The following RANBP2 variants were observed in gnomAD, a reference collection of about 807,000 sequenced individuals.
RANBP2 encodes the protein E3 SUMO-protein ligase RanBP2.
Under a neutral mutation model 303.6 loss-of-function variants are expected in RANBP2, and 57 were observed. That is an observed-to-expected ratio of 0.19 (90% CI 0.15 to 0.23). The LOEUF (loss-of-function observed/expected upper bound fraction) is 0.23, where lower values mean the gene tolerates loss of function less well. RANBP2 is among the 10% of genes least tolerant of loss of function. The probability of loss-of-function intolerance (pLI) is 1.00; values close to 1 mark genes in which losing one functional copy is unlikely to be tolerated. For synonymous variants in RANBP2, 1,167 were observed against 1,301.5 expected (o/e 0.90, Z 2.23); for missense variants, 3,138 against 3,780.8 (o/e 0.83, Z 4.46).
At chr2:109,147,147 A>G in the RANBP2 span, among the ~76,000 whole-genome samples, 134 of 152,020 alleles carry the variant, frequency 8.8e-4, no homozygotes, top group African/African-American at 3.2e-3. Flanking sequence ...TTTTGTCCAA[A>G]AGACAGAGGT....
chr2:109,527,506 G>A, the RANBP2 span, among the ~76,000 whole-genome samples: 3 of 152,170 alleles, frequency 2.0e-5, no homozygotes, highest in Admixed American at 6.5e-5. Flanking sequence ...ACCCCCAAGA[G>A]GAATAACGCA....
intron 23 of RANBP2, among the ~76,000 whole-genome samples, chr2:108,774,640 A>G (rs896389878): frequency 6.6e-6 from 1 of 151,562 alleles, no homozygotes; most frequent in Non-Finnish European, 1.5e-5. Flanking sequence ...TTTAAAAAAC[A>G]CTATTGATTT....
chr2:109,543,444 C>T, the RANBP2 span: 12 of 152,184 alleles, frequency 7.9e-5, no homozygotes, highest in African/African-American at 2.6e-4. Flanking sequence ...ATGAAGTCAT[C>T]ATATTAAATA....
At chr2:109,533,242 C>G in the RANBP2 span, among the ~76,000 whole-genome samples, 1 of 152,218 alleles carries the variant, frequency 6.6e-6, no homozygotes, top group African/African-American at 2.4e-5. Context: ...CAACACAGCC[C>G]GTGGAGGGCA....
At chr2:109,423,913 G>T in the RANBP2 span, among the ~76,000 whole-genome samples, 1 of 152,232 alleles carries the variant, frequency 6.6e-6, no homozygotes, top group Non-Finnish European at 1.5e-5. Flanking sequence ...GGGAAATGGA[G>T]GAGATGCAAG....
At chr2:108,753,226 C>G in intron 13 of RANBP2, 67 bp downstream of exon 13, 2 of 1,608,090 alleles carry the variant, frequency 1.2e-6, no homozygotes, top group South Asian at 2.2e-5. Context: ...AGACATAGAG[C>G]TATACACTGC....
the RANBP2 span, among the ~76,000 whole-genome samples, chr2:109,454,735 G>C: frequency 6.6e-6 from 1 of 152,130 alleles, no homozygotes; most frequent in Non-Finnish European, 1.5e-5. Context: ...CGGTACACTG[G>C]GGAGCTTCTG....
At chr2:109,561,086 C>G in the RANBP2 span, among the ~76,000 whole-genome samples, 1 of 152,086 alleles carries the variant, frequency 6.6e-6, no homozygotes, top group African/African-American at 2.4e-5. Flanking sequence ...GGACAAAGAT[C>G]AAAATCCTCC....
the RANBP2 span, among the ~76,000 whole-genome samples, chr2:108,874,985 T>C: frequency 6.6e-6 from 1 of 151,916 alleles, no homozygotes; most frequent in African/African-American, 2.4e-5. Flanking sequence ...TGTTTTACTA[T>C]TCATGATGTG....
At chr2:109,567,744 G>C in the RANBP2 span, 7 of 1,390,708 alleles carry the variant, frequency 5.0e-6, no homozygotes, top group Non-Finnish European at 9.7e-7. Flanking sequence ...TGTATTAGCA[G>C]CAATATTACT....
the RANBP2 span, among the ~76,000 whole-genome samples, chr2:109,064,285 G>A: frequency 2.6e-5 from 4 of 151,746 alleles, no homozygotes; most frequent in Admixed American, 6.6e-5. Flanking sequence ...GTGAAACCCC[G>A]TCTCTACTAA....
In RANBP2 at chr2:108,766,087, T is replaced by G. The variant is rs746345662; in HGVS notation, c.5548T>G (p.Ser1850Ala). 5 of 1,614,134 alleles carry G rather than the reference T, an allele frequency of 3.1e-6. No individual in the cohort carries two copies. Among genetic ancestry groups the G allele is most frequent in the Admixed American group, 1.7e-5 (1 of 59,998 alleles). ...GFKSNFSEKASKFGNTEQGFK... is the reference protein window; with the variant it reads ...GFKSNFSEKAAKFGNTEQGFK... ...TAAAAGTAATTTCTCAGAAAAAGCT[T>G]CTAAGTTTGGCAATACAGAGCAAGG... Residue 1850 changes from serine to alanine, a missense_variant, in exon 20 of 29, where the codon TCT becomes GCT. Transcript: ENST00000283195.
At chr2:108,823,236 C>G in the RANBP2 span, among the ~76,000 whole-genome samples, 1 of 152,206 alleles carries the variant, frequency 6.6e-6, no homozygotes, top group Admixed American at 6.5e-5. Flanking sequence ...CACCCATCCT[C>G]CTCATATTCT....
chr2:109,690,258 T>C, the RANBP2 span, among the ~76,000 whole-genome samples: 1 of 152,188 alleles, frequency 6.6e-6, no homozygotes, highest in African/African-American at 2.4e-5. Flanking sequence ...AATTAACATA[T>C]GTAAGATGAA....
At chr2:109,681,651 G>C in the RANBP2 span, among the ~76,000 whole-genome samples, 4 of 152,230 alleles carry the variant, frequency 2.6e-5, no homozygotes, top group Admixed American at 6.5e-5. Context: ...AGAAGCATAA[G>C]GGGGAGGCAG....
chr2:108,950,349 C>T, the RANBP2 span, among the ~76,000 whole-genome samples: 2 of 151,740 alleles, frequency 1.3e-5, no homozygotes, highest in East Asian at 1.9e-4. Context: ...TTTTTGGGCT[C>T]GAATGATCCT....
the RANBP2 span, among the ~76,000 whole-genome samples, chr2:109,521,257 G>A: frequency 6.6e-6 from 1 of 152,050 alleles, no homozygotes; most frequent in Admixed American, 6.6e-5. Context: ...AAATGCTGAA[G>A]AGAAGACAGG....
chr2:109,639,183 G>T, the RANBP2 span, among the ~76,000 whole-genome samples: 1 of 151,270 alleles, frequency 6.6e-6, no homozygotes, highest in African/African-American at 2.4e-5. Context: ...AGTAATCAGT[G>T]ATGGATTTAG....
the RANBP2 span, among the ~76,000 whole-genome samples, chr2:109,778,466 G>T: frequency 6.7e-6 from 1 of 149,880 alleles, no homozygotes; most frequent in Non-Finnish European, 1.5e-5. Flanking sequence ...TGATTTTCTT[G>T]TTAAGAAGGT....
Sources: gnomAD v4.1 joint callset for allele counts (sites outside exome capture counted in the v4.1 genomes callset) on GRCh38, gnomAD v4.1.1 for gene constraint, MANE v1.5 for transcripts, NCBI Gene and HGNC (gene_info 2026-07-23, HGNC 2026-07-21) for gene names.